Variants in SYNDIG1 observed in about 807,000 individuals in gnomAD.
SYNDIG1 encodes synapse differentiation-inducing gene protein 1.
A neutral mutation model predicts 19.4 loss-of-function variants in SYNDIG1; 9 were observed. The ratio of observed to expected loss-of-function variants is 0.46; its 90% CI spans 0.28 to 0.81. The LOEUF (loss-of-function observed/expected upper bound fraction) is 0.81. Ranked by LOEUF, SYNDIG1 falls within the 30% of genes least tolerant of loss-of-function variation. The pLI, the probability that SYNDIG1 is intolerant of heterozygous loss-of-function variation, is 0.12. For missense variants in SYNDIG1, 311 were observed against 343.3 expected, an observed-to-expected ratio of 0.91 and a Z score of 0.74; for synonymous variants, 141 against 145.9, an observed-to-expected ratio of 0.97 and a Z score of 0.24.
chr20:24,528,918 C>T (rs962746443), intron 1 of SYNDIG1, among the ~76,000 whole-genome samples: 16 of 152,164 alleles, frequency 1.1e-4, no homozygotes, highest in African/African-American at 3.9e-4. Context: ...ACACTACAAA[C>T]TAAGTGTTCA....
intron 3 of SYNDIG1, among the ~76,000 whole-genome samples, chr20:24,650,272 G>A (rs780969947): frequency 1.2e-4 from 19 of 152,346 alleles, no homozygotes; most frequent in Non-Finnish European, 1.9e-4. Flanking sequence ...AGAAAGCAGC[G>A]TTTGTACAAA....
rs182587474 is a variant in SYNDIG1 at position 24,641,426 on chromosome 20, T to A, written c.619-23920T>A. 4.6e-5 allele frequency among the ~76,000 whole-genome samples: 7 copies of A among 152,276 alleles called. No homozygotes were observed. The East Asian group carries it at 1.3e-3, about 29-fold the overall frequency. On this transcript the variant is annotated intron_variant, in intron 3 of 3. Coordinates refer to ENST00000376862, the MANE Select transcript of SYNDIG1 (RefSeq NM_024893.3). The stretch of plus-strand genomic sequence containing the variant: ...TTTTCCCTATGTTAACATAAAACAT[T>A]GCTGAGGAAAACAGTATTGATAATG...
At chr20:24,600,241 T>C (rs1026082694) in intron 3 of SYNDIG1, among the ~76,000 whole-genome samples, 2 of 152,268 alleles carry the variant, frequency 1.3e-5, no homozygotes, top group African/African-American at 4.8e-5. Context: ...GTGGTTTTTC[T>C]CTTCCTTCCT....
chr20:24,628,119 G>A (rs1000882884), intron 3 of SYNDIG1, among the ~76,000 whole-genome samples: 4 of 152,170 alleles, frequency 2.6e-5, no homozygotes, highest in African/African-American at 4.8e-5. Flanking sequence ...CTCGCTCTCC[G>A]GGGCATCCCC....
intron 1 of SYNDIG1, among the ~76,000 whole-genome samples, chr20:24,533,665 G>A (rs1339099114): frequency 2.6e-5 from 4 of 152,064 alleles, no homozygotes; most frequent in African/African-American, 4.8e-5. Flanking sequence ...ACCAGCCTCC[G>A]AGCTGTCCCA....
intron 3 of SYNDIG1, among the ~76,000 whole-genome samples, chr20:24,622,561 C>A (rs906447819): frequency 6.6e-6 from 1 of 152,144 alleles, no homozygotes; most frequent in Non-Finnish European, 1.5e-5. Flanking sequence ...GAATGCAAAC[C>A]GTATTATGAA....
chr20:24,591,460 T>C (rs2058511130), intron 3 of SYNDIG1, among the ~76,000 whole-genome samples: 1 of 152,064 alleles, frequency 6.6e-6, no homozygotes, highest in African/African-American at 2.4e-5. Context: ...TTTTTTTTTT[T>C]GAAGAGTTTT....
chr20:24,631,425 C>A (rs757883292), intron 3 of SYNDIG1, among the ~76,000 whole-genome samples: 22 of 152,222 alleles, frequency 1.4e-4, no homozygotes, highest in Non-Finnish European at 8.8e-5. Flanking sequence ...GCGGGCGCGA[C>A]GGCCTCATCA....
chr20:24,644,618 G>C (rs1259314647), intron 3 of SYNDIG1, among the ~76,000 whole-genome samples: 1 of 152,206 alleles, frequency 6.6e-6, no homozygotes. Flanking sequence ...ATGCTGTGGG[G>C]AAGCCCAAGT....
chr20:24,503,440 G>A (rs2056505605), intron 1 of SYNDIG1, among the ~76,000 whole-genome samples: 2 of 152,186 alleles, frequency 1.3e-5, no homozygotes, highest in Non-Finnish European at 2.9e-5. Flanking sequence ...TGCTGAGAGG[G>A]AGACACAATC....
At chr20:24,519,199 G>A (rs1038681010) in intron 1 of SYNDIG1, among the ~76,000 whole-genome samples, 13 of 152,200 alleles carry the variant, frequency 8.5e-5, no homozygotes, top group African/African-American at 3.1e-4. Flanking sequence ...GAGGCAGTGT[G>A]AGAGTTTATG....
chr20:24,663,961 A>G (rs1450413715), intron 3 of SYNDIG1, among the ~76,000 whole-genome samples: 1 of 152,172 alleles, frequency 6.6e-6, no homozygotes, highest in Non-Finnish European at 1.5e-5. Context: ...CCACGACTTC[A>G]TTCATTCATT....
chr20:24,551,659 G>C (rs572823574), intron 2 of SYNDIG1, among the ~76,000 whole-genome samples: 5 of 151,566 alleles, frequency 3.3e-5, no homozygotes, highest in Non-Finnish European at 7.4e-5. Flanking sequence ...TTTTAACTGT[G>C]TCCTGTAAAT....
At chr20:24,626,804 G>GA (rs2059147392) in intron 3 of SYNDIG1, among the ~76,000 whole-genome samples, 1 of 152,086 alleles carries the variant, frequency 6.6e-6, no homozygotes, top group South Asian at 2.1e-4. Context: ...CTGAGTTAAC[G>GA]AGACTCCGTC....
intron 2 of SYNDIG1, among the ~76,000 whole-genome samples, chr20:24,557,953 A>G (rs1237752287): frequency 6.6e-6 from 1 of 152,200 alleles, no homozygotes; most frequent in African/African-American, 2.4e-5. Flanking sequence ...GGCTTTAATC[A>G]GGTGCTGCAG....
chr20:24,616,744 T>C (rs938431197), intron 3 of SYNDIG1, among the ~76,000 whole-genome samples: 4 of 152,210 alleles, frequency 2.6e-5, no homozygotes, highest in Non-Finnish European at 5.9e-5. Flanking sequence ...CTGGCTGAGC[T>C]TGGAGGAGAG....
At chr20:24,529,228 G>A (rs1452073948) in intron 1 of SYNDIG1, among the ~76,000 whole-genome samples, 1 of 152,180 alleles carries the variant, frequency 6.6e-6, no homozygotes, top group Non-Finnish European at 1.5e-5. Context: ...GTGTGTGTGG[G>A]AGGACATCAC....
intron 3 of SYNDIG1, among the ~76,000 whole-genome samples, chr20:24,626,498 T>C (rs6036854): frequency 0.24 from 34,299 of 144,860 alleles, 4,440 homozygotes; most frequent in Admixed American, 0.37. Flanking sequence ...CAGAGACGCT[T>C]CTCACTTCCT....
At chr20:24,642,235 A>C (rs77759768) in intron 3 of SYNDIG1, among the ~76,000 whole-genome samples, 8,378 of 152,212 alleles carry the variant, frequency 0.055, 332 homozygotes, top group East Asian at 0.15. Context: ...ACATCGTGGG[A>C]GGCCCCACTG....
Sources: gnomAD v4.1 joint callset for allele counts (sites outside exome capture counted in the v4.1 genomes callset) on GRCh38, gnomAD v4.1.1 for gene constraint, MANE v1.5 for transcripts, NCBI Gene and HGNC (gene_info 2026-07-23, HGNC 2026-07-21) for gene names.